The following INTS9 variants were observed in gnomAD, a reference collection of about 807,000 sequenced individuals.
INTS9 encodes the protein integrator complex subunit 9.
A neutral mutation model predicts 79.7 loss-of-function variants in INTS9; 55 were observed. That is an observed-to-expected ratio of 0.69 (90% CI 0.56 to 0.86). INTS9 has a LOEUF of 0.86. Ranked by LOEUF, INTS9 falls within the 40% of genes least tolerant of loss-of-function variation. The probability of loss-of-function intolerance (pLI) is 0.00; values close to 1 mark genes in which losing one functional copy is unlikely to be tolerated. For missense variants in INTS9, 721 were observed against 831.5 expected, an observed-to-expected ratio of 0.87 and a Z score of 1.64; for synonymous variants, 319 against 325.2, an observed-to-expected ratio of 0.98 and a Z score of 0.20.
chr8:28,870,705 A>T (rs2131336656), intron 1 of INTS9, among the ~76,000 whole-genome samples: 1 of 152,350 alleles, frequency 6.6e-6, no homozygotes, highest in South Asian at 2.1e-4. Flanking sequence ...TAGAGCAGAA[A>T]TACTAGGGAG....
intron 16 of INTS9, 95 bp downstream of exon 16, chr8:28,769,794 C>T: frequency 6.7e-7 from 1 of 1,487,850 alleles, no homozygotes; most frequent in Non-Finnish European, 9.2e-7. Flanking sequence ...AAGTGACAAG[C>T]AGCAACATCC....
intron 7 of INTS9, 149 bp downstream of exon 7, chr8:28,813,343 C>T: frequency 1.3e-6 from 1 of 770,476 alleles, no homozygotes; most frequent in Non-Finnish European, 2.2e-6. Flanking sequence ...CCAATAAAAT[C>T]CTGCGCGGAA....
At chr8:28,816,035 C>G (rs562413118) in intron 6 of INTS9, among the ~76,000 whole-genome samples, 25 of 150,974 alleles carry the variant, frequency 1.7e-4, no homozygotes, top group African/African-American at 5.8e-4. Flanking sequence ...TTTTTAATAG[C>G]AATGTTTAAT....
At chr8:28,797,758 C>T (rs1002533451) in intron 8 of INTS9, among the ~76,000 whole-genome samples, 12 of 152,162 alleles carry the variant, frequency 7.9e-5, no homozygotes, top group Non-Finnish European at 7.3e-5. Context: ...TCCTCATCTC[C>T]ATTGAAAATA....
intron 1 of INTS9, among the ~76,000 whole-genome samples, chr8:28,882,532 T>TAAAAAAAAAAA (rs369293166): frequency 1.4e-4 from 9 of 63,288 alleles, no homozygotes; most frequent in East Asian, 8.6e-4. Flanking sequence ...TATTAACAGC[T>TAAAAAAAAAAA]AAAAAAAAAA....
At chr8:28,880,636 C>T (rs1277789683) in intron 1 of INTS9, among the ~76,000 whole-genome samples, 4 of 149,474 alleles carry the variant, frequency 2.7e-5, no homozygotes, top group African/African-American at 9.8e-5. Flanking sequence ...CCTGCCTTGG[C>T]CTCCCAAAGA....
chr8:28,833,438 G>A lies in INTS9; in HGVS notation c.488+1854C>T, dbSNP rs546489688. ...AGATCAAGACCGTCCTGGCCAACAT[G>A]GTGAAACCCCATCTCTACTAAAAAT... On this transcript the variant is annotated intron_variant, in intron 6 of 16. Coordinates refer to ENST00000521022, the MANE Select transcript of INTS9 (RefSeq NM_018250.4). Among the ~76,000 whole-genome samples the A allele has an allele frequency of 5.9e-5, 9 of 152,002 alleles. No homozygotes were observed. The South Asian group carries it at 1.5e-3, about 25-fold the overall frequency.
At position 28,813,321 on chromosome 8, in the gene INTS9, G is replaced by A. The variant is rs151016696; in HGVS notation, c.609+171C>T. ...TGGCTGGTGATGGAGATGTGAGGGT[G>A]GGGAAAGAGCACCAATAAAATCCTG... On this transcript the variant is annotated intron_variant, in intron 7 of 16. Coordinates refer to ENST00000521022, the MANE Select transcript of INTS9 (RefSeq NM_018250.4). Among the ~76,000 whole-genome samples the A allele has an allele frequency of 8.4e-3, 1,277 of 152,304 alleles. 11 individuals are homozygous for A. Among genetic ancestry groups the A allele is most frequent in the African/African-American group, 0.029 (1,215 of 41,562 alleles).
Position 28,846,757 on chromosome 8 carries a change from C to G in INTS9, c.251G>C (p.Cys84Ser). The change falls in exon 4 of 17, where the codon TGT (cysteine) becomes TCT (serine). Residue 84 changes from cysteine to serine, a missense_variant. Cys to Ser is a moderately radical substitution (Grantham distance 112, BLOSUM62 -1). Transcript: ENST00000521022. Reference sequence around the variant, plus strand: ...TCACCTTAATCTTACCTCTGGTAAACAGAATTCCGGCACAGAATCCACAAA... The same window carrying G: ...TCACCTTAATCTTACCTCTGGTAAAGAGAATTCCGGCACAGAATCCACAAA... ...HVFVDSVPEFCLPETELIDLS... is the reference protein window; with the variant it reads ...HVFVDSVPEFSLPETELIDLS... 6.2e-7 allele frequency: 1 copy of G among 1,612,608 alleles called. No individual in the cohort carries two copies. Among genetic ancestry groups the G allele is most frequent in the Non-Finnish European group, 8.5e-7 (1 of 1,178,644 alleles).
intron 12 of INTS9, chr8:28,780,612 C>T: frequency 2.0e-6 from 2 of 985,342 alleles, no homozygotes; most frequent in East Asian, 1.1e-4. Context: ...AAAACACAGG[C>T]ATGAAGGCCT....
At chr8:28,839,688 G>A (rs1807044416) in intron 4 of INTS9, among the ~76,000 whole-genome samples, 1 of 152,116 alleles carries the variant, frequency 6.6e-6, no homozygotes, top group African/African-American at 2.4e-5. Flanking sequence ...TAAGCAATGG[G>A]GAAGGGATTC....
intron 10 of INTS9, among the ~76,000 whole-genome samples, chr8:28,791,074 G>T (rs1446021772): frequency 6.6e-6 from 1 of 152,066 alleles, no homozygotes; most frequent in Non-Finnish European, 1.5e-5. Flanking sequence ...AGTAAGTCCT[G>T]CCCCTTGTAT....
At chr8:28,832,996 TCTAC>T (rs1806588000) in intron 6 of INTS9, among the ~76,000 whole-genome samples, 1 of 151,826 alleles carries the variant, frequency 6.6e-6, no homozygotes, top group African/African-American at 2.4e-5. Flanking sequence ...TACCTACCTA[TCTAC>T]CTATTTATTA....
chr8:28,861,985 G>A (rs1808488122), intron 1 of INTS9: 3 of 617,270 alleles, frequency 4.9e-6, no homozygotes, highest in East Asian at 1.4e-4. Context: ...GACACACAGC[G>A]AGGTCCCTCT....
chr8:28,838,477 C>T (rs994834916), intron 4 of INTS9, among the ~76,000 whole-genome samples: 2 of 151,982 alleles, frequency 1.3e-5, no homozygotes, highest in African/African-American at 4.8e-5. Flanking sequence ...TAGGAAAACT[C>T]CTAAAATTTT....
At chr8:28,862,027 C>A in intron 1 of INTS9, 1 of 967,304 alleles carries the variant, frequency 1.0e-6, no homozygotes, top group Non-Finnish European at 1.2e-6. Flanking sequence ...GCTTCCCAAA[C>A]TGCACTGCTC....
chr8:28,861,582 T>C (rs1160555125), intron 1 of INTS9, among the ~76,000 whole-genome samples: 1 of 152,250 alleles, frequency 6.6e-6, no homozygotes, highest in Non-Finnish European at 1.5e-5. Flanking sequence ...GAGCTTTTAC[T>C]ACATTTTTAT....
At chr8:28,790,904 G>A (rs934262777) in intron 10 of INTS9, among the ~76,000 whole-genome samples, 8 of 152,180 alleles carry the variant, frequency 5.3e-5, no homozygotes, top group African/African-American at 9.7e-5. Context: ...CTCAGGCACC[G>A]TCAATGCCCT....
intron 6 of INTS9, among the ~76,000 whole-genome samples, chr8:28,830,831 G>T (rs1036294685): frequency 2.6e-5 from 4 of 152,068 alleles, no homozygotes; most frequent in Non-Finnish European, 4.4e-5. Flanking sequence ...ACAATCATTG[G>T]CCAGGATGAG....
Sources: gnomAD v4.1 joint callset for allele counts (sites outside exome capture counted in the v4.1 genomes callset) on GRCh38, gnomAD v4.1.1 for gene constraint, MANE v1.5 for transcripts, NCBI Gene and HGNC (gene_info 2026-07-23, HGNC 2026-07-21) for gene names.